Variants in RILPL1 observed in about 807,000 individuals in gnomAD.
The protein encoded by RILPL1 is Rab interacting lysosomal protein like 1.
A neutral mutation model predicts 50.3 loss-of-function variants in RILPL1; 33 were observed. That is an observed-to-expected ratio of 0.66 (90% CI 0.50 to 0.88). RILPL1 has a LOEUF of 0.88. Among genes scored for constraint, RILPL1 ranks in the 40% least tolerant of loss-of-function variants. The pLI is 0.00. For synonymous variants in RILPL1, 205 were observed against 228.6 expected (o/e 0.90, Z 0.93); for missense variants, 418 against 542.5 (o/e 0.77, Z 2.28).
At chr12:123,510,991 G>C (rs1884111001) in intron 2 of RILPL1, among the ~76,000 whole-genome samples, 1 of 141,402 alleles carries the variant, frequency 7.1e-6, no homozygotes, top group African/African-American at 2.7e-5. Context: ...TGTGTGTGAG[G>C]TCTGTGTGTG....
At chr12:123,524,901 G>A (rs1271137640) in intron 1 of RILPL1, among the ~76,000 whole-genome samples, 2 of 152,302 alleles carry the variant, frequency 1.3e-5, no homozygotes, top group East Asian at 3.9e-4. Flanking sequence ...GGAGGCCAAG[G>A]CAGGCGGATC....
intron 2 of RILPL1, chr12:123,514,398 G>A (rs1173001944): frequency 1.3e-5 from 2 of 151,936 alleles, no homozygotes; most frequent in African/African-American, 4.8e-5. Flanking sequence ...GAACAAAACA[G>A]GTGATGGTTG....
In RILPL1 at chr12:123,533,425, C is replaced by T; in HGVS notation, c.58G>A (p.Ala20Thr). ...AAESALEKNV[A>T]ELTVMDVYDI... ...TACACGTCCATGACGGTCAGCTCGG[C>T]CACGTTCTTCTCCAGCGCCGACTCG... The change falls in exon 1 of 7, where the codon GCC becomes ACC. Residue 20 changes from alanine (A) to threonine (T), a missense_variant. Physicochemically the swap from Ala to Thr is moderately conservative, Grantham distance 58 (BLOSUM62 0). Transcript: ENST00000376874. The surrounding 1 kb of genome is among the most constrained non-coding windows in gnomAD (Gnocchi z 6.2). 1 of 1,541,738 alleles carries T rather than the reference C, an allele frequency of 6.5e-7. No individual in the cohort carries two copies. The highest frequency in any genetic ancestry group is 8.8e-7 in the Non-Finnish European group (1 of 1,142,510).
Position 123,491,522 on chromosome 12 carries a change from C to T in RILPL1, c.802-5717G>A, listed in dbSNP as rs533176404. Among the ~76,000 whole-genome samples the T allele has an allele frequency of 3.5e-4, 53 of 152,298 alleles. No homozygotes were observed. Among genetic ancestry groups the T allele is most frequent in the African/African-American group, 1.2e-3 (51 of 41,574 alleles). On this transcript the variant is annotated intron_variant, in intron 4 of 6. Transcript: ENST00000376874. This position sits in a 1 kb window ranked among gnomAD's most constrained non-coding sequence, Gnocchi z 4.0. ...AAGCACCCTGCCCTCCCACGGCAGC[C>T]CCTTCACAGTACTTCTCAGCAGCCC... is the stretch of plus-strand genomic sequence containing the variant.
chr12:123,499,321 G>C (rs1269861374), intron 3 of RILPL1, 97 bp downstream of exon 3: 8 of 802,124 alleles, frequency 1.0e-5, no homozygotes, highest in Non-Finnish European at 1.7e-5. Context: ...AAGAATGAGA[G>C]TGAGGGAGAG....
At chr12:123,527,253 C>T (rs1465456408) in intron 1 of RILPL1, among the ~76,000 whole-genome samples, 3 of 151,950 alleles carry the variant, frequency 2.0e-5, no homozygotes, top group Non-Finnish European at 4.4e-5. Context: ...ATCACTTGAG[C>T]CCCGGAGGTT....
At chr12:123,520,408 T>C (rs763841513) in intron 2 of RILPL1, among the ~76,000 whole-genome samples, 10 of 152,022 alleles carry the variant, frequency 6.6e-5, no homozygotes, top group Non-Finnish European at 1.0e-4. Context: ...AAAATACAAA[T>C]ATTAGATGGA....
At chr12:123,513,920 G>A (rs919508871) in intron 2 of RILPL1, 1 of 152,160 alleles carries the variant, frequency 6.6e-6, no homozygotes, top group African/African-American at 2.4e-5. Flanking sequence ...ATCTGGCAGT[G>A]AGCTACTGTC....
At chr12:123,525,789 C>T (rs1328040858) in intron 1 of RILPL1, among the ~76,000 whole-genome samples, 8 of 151,612 alleles carry the variant, frequency 5.3e-5, no homozygotes, top group Admixed American at 4.6e-4. Flanking sequence ...AAGCAATCTT[C>T]CCACCTTGGC....
At chr12:123,481,127 C>A (rs1881963898) in intron 6 of RILPL1, among the ~76,000 whole-genome samples, 1 of 152,044 alleles carries the variant, frequency 6.6e-6, no homozygotes, top group Admixed American at 6.5e-5. Flanking sequence ...GAGGCCGAGG[C>A]GGGTGGATCA....
At chr12:123,531,153 C>G (rs1885431953) in intron 1 of RILPL1, among the ~76,000 whole-genome samples, 1 of 151,774 alleles carries the variant, frequency 6.6e-6, no homozygotes, top group African/African-American at 2.4e-5. Context: ...CTCTCCATCC[C>G]AAGAATGTGA....
At chr12:123,505,822 G>A (rs1883713649) in intron 2 of RILPL1, among the ~76,000 whole-genome samples, 1 of 151,962 alleles carries the variant, frequency 6.6e-6, no homozygotes, top group Non-Finnish European at 1.5e-5. Flanking sequence ...ACAAGGTCTT[G>A]CCACGTTGCC....
chr12:123,501,596 C>G (rs1409118309), intron 2 of RILPL1, among the ~76,000 whole-genome samples: 1 of 151,736 alleles, frequency 6.6e-6, no homozygotes, highest in Non-Finnish European at 1.5e-5. Flanking sequence ...CCCGTCTCTA[C>G]TAAAAATACA....
At chr12:123,530,516 G>C (rs997971493) in intron 1 of RILPL1, among the ~76,000 whole-genome samples, 6 of 152,128 alleles carry the variant, frequency 3.9e-5, no homozygotes, top group Admixed American at 3.9e-4. Flanking sequence ...TATTTCTATG[G>C]TATAGCACTA....
Position 123,533,302 on chromosome 12 carries a change from G to C in RILPL1, c.181C>G (p.Leu61Val). Residue 61 changes from leucine (L) to valine (V), a missense_variant, in exon 1 of 7, where the codon CTG becomes GTG. Transcript: ENST00000376874. This position sits in a 1 kb window ranked among gnomAD's most constrained non-coding sequence, Gnocchi z 6.2. ...CTGACCAGCACCTCCAGGATCTCCA[G>C]GACGCGCACGACCTTGGGCATGAGG... The part of the protein sequence containing the change: ...ARLMPKVVRV[L>V]EILEVLVSRH... 1 of 1,584,936 alleles carries C rather than the reference G, an allele frequency of 6.3e-7. No individual in the cohort carries two copies. Among genetic ancestry groups the C allele is most frequent in the Non-Finnish European group, 8.5e-7 (1 of 1,170,046 alleles).
intron 4 of RILPL1, among the ~76,000 whole-genome samples, chr12:123,488,333 T>C (rs201052584): frequency 1.3e-5 from 1 of 77,422 alleles, no homozygotes; most frequent in Non-Finnish European, 2.4e-5. Context: ...CCCAGTTACA[T>C]AGGAGGCTGA....
chr12:123,499,382 G>T, intron 3 of RILPL1, 36 bp downstream of exon 3: 1 of 1,470,734 alleles, frequency 6.8e-7, no homozygotes, highest in Non-Finnish European at 9.5e-7. Flanking sequence ...CCTACTGGCT[G>T]GGAGGGTGGA....
chr12:123,487,522 G>C (rs1882423929), intron 4 of RILPL1, among the ~76,000 whole-genome samples: 3 of 152,060 alleles, frequency 2.0e-5, no homozygotes, highest in Admixed American at 2.0e-4. Context: ...GGTCAGGCTG[G>C]TCTTGAACTC....
chr12:123,480,732 C>T (rs2139311785), intron 6 of RILPL1, among the ~76,000 whole-genome samples: 1 of 152,172 alleles, frequency 6.6e-6, no homozygotes, highest in Non-Finnish European at 1.5e-5. Flanking sequence ...GAAACCCTTC[C>T]TGGGCACTAA....
Sources: gnomAD v4.1 joint callset for allele counts (sites outside exome capture counted in the v4.1 genomes callset) on GRCh38, gnomAD v4.1.1 for gene constraint, Gnocchi (gnomAD v3.1) non-coding constraint, MANE v1.5 for transcripts, NCBI Gene and HGNC (gene_info 2026-07-23, HGNC 2026-07-21) for gene names.